UGT1A6: variants seen among roughly 807,000 people sequenced by gnomAD.
UGT1A6 encodes UDP glucuronosyltransferase family 1 member A6.
A neutral mutation model predicts 44.4 loss-of-function variants in UGT1A6; 32 were observed. The ratio of observed to expected loss-of-function variants is 0.72; its 90% CI spans 0.54 to 0.97. UGT1A6 has a LOEUF of 0.97. Ranked by LOEUF, UGT1A6 falls within the 50% of genes least tolerant of loss-of-function variation. The probability of loss-of-function intolerance (pLI) is 0.00; values close to 1 mark genes in which losing one functional copy is unlikely to be tolerated. For missense variants in UGT1A6, 685 were observed against 661.9 expected (o/e 1.03, Z -0.38); for synonymous variants, 238 against 248.5 (o/e 0.96, Z 0.40).
intron 1 of UGT1A6, among the ~76,000 whole-genome samples, chr2:233,712,428 T>C (rs923702716): frequency 1.3e-5 from 2 of 152,332 alleles, no homozygotes; most frequent in African/African-American, 4.8e-5. Flanking sequence ...AGAAATATCC[T>C]GGTGTGAAAA....
At position 233,729,937 on chromosome 2, in the gene UGT1A6, C is replaced by A; in HGVS notation, c.861+36072C>A. The A allele has an allele frequency of 3.1e-6, 5 of 1,614,026 alleles. No individual in the cohort carries two copies. The Admixed American group carries it at 8.3e-5, about 27-fold the overall frequency. On this transcript the variant is annotated intron_variant, in intron 1 of 4. Coordinates refer to ENST00000305139, the MANE Select transcript of UGT1A6 (RefSeq NM_001072.4). ...GATGGACTACCCCAGGCCAATCATG[C>A]CCAACATGGTCTTCATTGGGGGCAT... is the stretch of plus-strand genomic sequence containing the variant.
Position 233,769,751 on chromosome 2 carries a change from AG to A in UGT1A6, c.1301+1314del. 1 of 1,422,830 alleles carries A rather than the reference AG, an allele frequency of 7.0e-7. No homozygotes were observed. Among genetic ancestry groups the A allele is most frequent in the South Asian group, 1.5e-5 (1 of 65,502 alleles). 88.1% of individuals were successfully genotyped at this position (1,422,830 alleles called of 1,614,324 possible). On this transcript the variant is annotated intron_variant, in intron 4 of 4. Coordinates refer to ENST00000305139, the MANE Select transcript of UGT1A6 (RefSeq NM_001072.4). This position sits in a 1 kb window ranked among gnomAD's most constrained non-coding sequence, Gnocchi z 4.4. ...ACGCCTGTAGTCCCAGCCACTCTGGAGGCTAAGGCGGGAGGATTGCTTGAGC... is the reference window on the plus strand; with the variant it reads ...ACGCCTGTAGTCCCAGCCACTCTGGAGCTAAGGCGGGAGGATTGCTTGAGC...
At chr2:233,718,270 A>G (rs1323395079) in intron 1 of UGT1A6, among the ~76,000 whole-genome samples, 2 of 152,200 alleles carry the variant, frequency 1.3e-5, no homozygotes, top group Non-Finnish European at 2.9e-5. Context: ...GGTGTGAAAA[A>G]AGACCAAAAC....
At chr2:233,747,507 C>G in intron 1 of UGT1A6, 1 of 1,608,136 alleles carries the variant, frequency 6.2e-7, no homozygotes. Flanking sequence ...CCACACTCAA[C>G]TGTACTTTGA....
chr2:233,709,022 A>G (rs1052835676), intron 1 of UGT1A6, among the ~76,000 whole-genome samples: 2 of 152,110 alleles, frequency 1.3e-5, no homozygotes, highest in African/African-American at 4.8e-5. Context: ...CCCAAGCAGC[A>G]GGGGCTTCAG....
At chr2:233,749,258 T>A (rs1694154027) in intron 1 of UGT1A6, among the ~76,000 whole-genome samples, 1 of 151,972 alleles carries the variant, frequency 6.6e-6, no homozygotes, top group African/African-American at 2.4e-5. Flanking sequence ...ATTTTTTTAT[T>A]GGTGATTTTC....
intron 1 of UGT1A6, among the ~76,000 whole-genome samples, chr2:233,763,434 A>G (rs1698313182): frequency 1.3e-5 from 2 of 152,346 alleles, no homozygotes; most frequent in Middle Eastern, 3.4e-3. Context: ...AGTTGCTTTA[A>G]TAAGTGCATT....
At position 233,719,606 on chromosome 2, in the gene UGT1A6, G is replaced by A. The variant is rs762263930; in HGVS notation, c.861+25741G>A. The A allele has an allele frequency of 4.3e-6, 7 of 1,614,054 alleles. No individual in the cohort carries two copies. In the East Asian group the frequency reaches 1.3e-4, roughly 31 times the overall value. On this transcript the variant is annotated intron_variant, in intron 1 of 4. Transcript: ENST00000305139. ...TGTGGCTGTTCCGAGGGGACTTTGTGATGGACTACCCCAGGCCGATCATGC... is the reference window on the plus strand; with the variant it reads ...TGTGGCTGTTCCGAGGGGACTTTGTAATGGACTACCCCAGGCCGATCATGC...
chr2:233,769,088 T>C lies in UGT1A6; in HGVS notation c.1301+649T>C, dbSNP rs1699789125. 2.0e-5 allele frequency among the ~76,000 whole-genome samples: 3 copies of C among 152,168 alleles called. No homozygotes were observed. Among genetic ancestry groups the C allele is most frequent in the African/African-American group, 7.2e-5 (3 of 41,420 alleles). The stretch of plus-strand genomic sequence containing the variant: ...AAGAAATACTCCATTATAAGAAGCA[T>C]AGTATCTTTAAGAGAAAAACAACTC... On this transcript the variant is annotated intron_variant, in intron 4 of 4. Coordinates refer to ENST00000305139, the MANE Select transcript of UGT1A6 (RefSeq NM_001072.4). This position sits in a 1 kb window ranked among gnomAD's most constrained non-coding sequence, Gnocchi z 4.4.
At chr2:233,713,300 A>G in intron 1 of UGT1A6, 1 of 1,614,272 alleles carries the variant, frequency 6.2e-7, no homozygotes, top group Non-Finnish European at 8.5e-7. Context: ...TCTTTGAAAC[A>G]GAACATCTTC....
intron 1 of UGT1A6, among the ~76,000 whole-genome samples, chr2:233,705,007 G>A (rs2075816854): frequency 6.6e-6 from 1 of 152,012 alleles, no homozygotes; most frequent in South Asian, 2.1e-4. Flanking sequence ...ATGGTGGCAG[G>A]CGCCTGTAAT....
chr2:233,692,830 A>T, upstream of UGT1A6: 1 of 1,442,932 alleles, frequency 6.9e-7, no homozygotes, highest in Non-Finnish European at 9.1e-7. Flanking sequence ...CCATGTGATT[A>T]AAATGGTTAA....
chr2:233,760,387 C>T (rs756175438), intron 1 of UGT1A6: 3 of 1,614,166 alleles, frequency 1.9e-6, no homozygotes, highest in Non-Finnish European at 1.7e-6. Flanking sequence ...ACTGTTGATC[C>T]CAGTGGATGG....
At chr2:233,755,452 C>A in intron 1 of UGT1A6, 1 of 306,372 alleles carries the variant, frequency 3.3e-6, no homozygotes, top group South Asian at 3.0e-5. Flanking sequence ...GCTCCTGGGA[C>A]TGGCCCTGCT....
At chr2:233,728,241 AG>A (rs2077692847) in intron 1 of UGT1A6, among the ~76,000 whole-genome samples, 1 of 152,098 alleles carries the variant, frequency 6.6e-6, no homozygotes, top group Non-Finnish European at 1.5e-5. Context: ...GATGAAATAA[AG>A]GCCTGGATGA....
At chr2:233,718,852 G>T in intron 1 of UGT1A6, 2 of 1,613,718 alleles carry the variant, frequency 1.2e-6, no homozygotes, top group Non-Finnish European at 1.7e-6. Flanking sequence ...CCCCTGCCGC[G>T]GCTGGCCACA....
chr2:233,714,820 C>T (rs543886758), intron 1 of UGT1A6, among the ~76,000 whole-genome samples: 1 of 152,254 alleles, frequency 6.6e-6, no homozygotes, highest in Admixed American at 6.5e-5. Context: ...TAGTTAGTGA[C>T]AACAATATGG....
chr2:233,699,373 A>G (rs28898581), intron 1 of UGT1A6, among the ~76,000 whole-genome samples: 1,596 of 152,294 alleles, frequency 0.01, 34 homozygotes, highest in African/African-American at 0.036. Flanking sequence ...GTATGGCTAG[A>G]TTTCAAATAT....
Position 233,772,570 on chromosome 2 carries a change from G to C in UGT1A6, c.*11G>C. Reference sequence around the variant, plus strand: ...TCCAAGACCCATTGAGAAGTGGGTGGGAAATAAGGTAAAATTTTGAACCAT... The same window carrying C: ...TCCAAGACCCATTGAGAAGTGGGTGCGAAATAAGGTAAAATTTTGAACCAT... On this transcript the variant is annotated 3_prime_UTR_variant, in exon 5 of 5. Coordinates refer to ENST00000305139, the MANE Select transcript of UGT1A6 (RefSeq NM_001072.4). The C allele has an allele frequency of 1.2e-6, 2 of 1,612,202 alleles. No individual in the cohort carries two copies. Among genetic ancestry groups the C allele is most frequent in the Non-Finnish European group, 1.7e-6 (2 of 1,179,006 alleles).
Sources: gnomAD v4.1 joint callset for allele counts (sites outside exome capture counted in the v4.1 genomes callset) on GRCh38, gnomAD v4.1.1 for gene constraint, Gnocchi (gnomAD v3.1) non-coding constraint, MANE v1.5 for transcripts, NCBI Gene and HGNC (gene_info 2026-07-23, HGNC 2026-07-21) for gene names.